URB1: variants seen among roughly 807,000 people sequenced by gnomAD.
The protein encoded by URB1 is URB1 ribosome biogenesis factor.
A neutral mutation model predicts 242.3 loss-of-function variants in URB1; 197 were observed. The ratio of observed to expected loss-of-function variants is 0.81; its 90% CI spans 0.72 to 0.91. URB1 has a LOEUF of 0.91. Ranked by LOEUF, URB1 falls within the 40% of genes least tolerant of loss-of-function variation. The probability of loss-of-function intolerance (pLI) is 0.00; values close to 1 mark genes in which losing one functional copy is unlikely to be tolerated. For missense variants in URB1, 2,721 were observed against 2,860.5 expected, an observed-to-expected ratio of 0.95 and a Z score of 1.11; for synonymous variants, 1,153 against 1,201.8, an observed-to-expected ratio of 0.96 and a Z score of 0.84.
chr21:32,315,094 C>T lies in URB1; in HGVS notation c.6640G>A (p.Ala2214Thr), dbSNP rs939109950. ...ATGTAGAGAGACACTAGGAATGCTG[C>T]GGAGGCTGAACAAGAGCAGGGGATA... ...SEKDEATQAS[A>T]AFLVSLYIKD... Residue 2214 changes from alanine (A) to threonine (T), a missense_variant, in exon 39 of 39, where the codon GCA (alanine) becomes ACA (threonine). Transcript: ENST00000382751. The T allele has an allele frequency of 3.9e-6, 6 of 1,523,342 alleles. No homozygotes were observed. The highest frequency in any genetic ancestry group is 4.1e-5 in the Admixed American group (2 of 49,042). 94.4% of individuals were successfully genotyped at this position (1,523,342 alleles called of 1,614,324 possible).
At chr21:32,376,125 A>C (rs2123616013) in intron 5 of URB1, among the ~76,000 whole-genome samples, 1 of 152,360 alleles carries the variant, frequency 6.6e-6, no homozygotes, top group East Asian at 1.9e-4. Context: ...AAGAGAATGT[A>C]CGGTATAACA....
chr21:32,311,551 A>G lies in URB1; in HGVS notation c.*3367T>C. On this transcript the variant is annotated 3_prime_UTR_variant, in exon 39 of 39. Transcript: ENST00000382751. ...CTTTGTGAGCTGGCTGACCCTTCTC[A>G]GGAATTTGCCTGTGTGGCCTTCCCT... is the stretch of plus-strand genomic sequence containing the variant. 1 of 1,328,098 alleles carries G rather than the reference A, an allele frequency of 7.5e-7. No homozygotes were observed. The highest frequency in any genetic ancestry group is 1.5e-5 in the African/African-American group (1 of 68,238). 82.3% of individuals were successfully genotyped at this position (1,328,098 alleles called of 1,614,324 possible).
At chr21:32,367,565 A>T (rs1325713158) in intron 9 of URB1, among the ~76,000 whole-genome samples, 1 of 150,796 alleles carries the variant, frequency 6.6e-6, no homozygotes, top group African/African-American at 2.5e-5. Context: ...GAGTTCAAAC[A>T]AGTCAGGCAT....
intron 26 of URB1, among the ~76,000 whole-genome samples, chr21:32,337,775 G>A (rs1386705843): frequency 1.3e-5 from 2 of 149,896 alleles, no homozygotes; most frequent in African/African-American, 2.5e-5. Flanking sequence ...AATCCTCCTT[G>A]GCATCCCAAA....
Position 32,353,766 on chromosome 21 carries a change from C to G in URB1, c.2416+167G>C, listed in dbSNP as rs576408107. Among the ~76,000 whole-genome samples the G allele has an allele frequency of 2.7e-4, 41 of 152,360 alleles. 1 individual carries two copies. The highest frequency in any genetic ancestry group is 1.4e-3 in the Admixed American group (21 of 15,304). On this transcript the variant is annotated intron_variant, in intron 18 of 38. Coordinates refer to ENST00000382751, the MANE Select transcript of URB1 (RefSeq NM_014825.3). ...CTAGCCAGCCCCAAGATCCCTCCCA[C>G]TGTGCTCCTAGCTCTGCTGGCTGGG...
At position 32,324,558 on chromosome 21, in the gene URB1, C is replaced by G. The variant is rs2032805769; in HGVS notation, c.5166G>C (p.Gln1722His). ...LDVVRNGIRT[Q>H]DMRLTFTLAL... ...CCAAGGTAAAAGTAAGTCTCATGTC[C>G]TGAGTTCGAATCCCATTCCGGACTA... The change falls in exon 32 of 39, where the codon CAG (glutamine) becomes CAC (histidine). Residue 1722 changes from glutamine (Q) to histidine (H), a missense_variant. Coordinates refer to ENST00000382751, the MANE Select transcript of URB1 (RefSeq NM_014825.3). 1 of 1,551,680 alleles carries G rather than the reference C, an allele frequency of 6.4e-7. No homozygotes were observed. The highest frequency in any genetic ancestry group is 8.7e-7 in the Non-Finnish European group (1 of 1,147,032).
At position 32,312,103 on chromosome 21, in the gene URB1, C is replaced by A. The variant is rs1202540171; in HGVS notation, c.*2815G>T. ...GGCCATTTGCATGTAGCAGAAAGGGCACCTAGGTCAAGTGCAACTAGAGCA... is the reference window on the plus strand; with the variant it reads ...GGCCATTTGCATGTAGCAGAAAGGGAACCTAGGTCAAGTGCAACTAGAGCA... On this transcript the variant is annotated 3_prime_UTR_variant, in exon 39 of 39. Coordinates refer to ENST00000382751, the MANE Select transcript of URB1 (RefSeq NM_014825.3). 1.9e-6 allele frequency: 3 copies of A among 1,577,984 alleles called. No individual in the cohort carries two copies. The highest frequency in any genetic ancestry group is 2.6e-6 in the Non-Finnish European group (3 of 1,168,818).
intron 30 of URB1, 148 bp from the exon 31 acceptor site, chr21:32,325,537 C>T (rs2032820087): frequency 9.1e-7 from 1 of 1,102,472 alleles, no homozygotes; most frequent in Non-Finnish European, 1.2e-6. Context: ...CTCCTCCTAA[C>T]TTCTGCTGAA....
chr21:32,337,517 G>C lies in URB1; in HGVS notation c.4511-3C>G. Reference sequence around the variant, plus strand: ...CAGCATCAGGTCCACCAGCGCTTCTGCAAGAAAACAACCCTGAAACACATG... The same window carrying C: ...CAGCATCAGGTCCACCAGCGCTTCTCCAAGAAAACAACCCTGAAACACATG... On this transcript the variant is annotated splice_polypyrimidine_tract_variant and splice_region_variant and intron_variant, in intron 26 of 38. Coordinates refer to ENST00000382751, the MANE Select transcript of URB1 (RefSeq NM_014825.3). 1.3e-6 allele frequency: 2 copies of C among 1,551,366 alleles called. No individual in the cohort carries two copies. Among genetic ancestry groups the C allele is most frequent in the East Asian group, 2.4e-5 (1 of 40,902 alleles).
At chr21:32,373,088 T>C (rs964764055) in intron 7 of URB1, among the ~76,000 whole-genome samples, 3 of 152,220 alleles carry the variant, frequency 2.0e-5, no homozygotes, top group Non-Finnish European at 4.4e-5. Context: ...CAAGTCCATG[T>C]TCAGTAACAC....
intron 10 of URB1, among the ~76,000 whole-genome samples, chr21:32,364,048 CA>C (rs534256961): frequency 2.0e-5 from 3 of 148,336 alleles, no homozygotes; most frequent in Admixed American, 6.7e-5. Flanking sequence ...GAGGAATGGC[CA>C]AAAAAAAATG....
chr21:32,341,005 A>T (rs1601133017), intron 25 of URB1, among the ~76,000 whole-genome samples: 1 of 124,842 alleles, frequency 8.0e-6, no homozygotes, highest in South Asian at 2.5e-4. Flanking sequence ...ATGATACATT[A>T]AAAAAAAAAG....
Position 32,347,713 on chromosome 21 carries a change from G to T in URB1, c.3111C>A (p.Ser1037Arg), listed in dbSNP as rs1466108326. Residue 1037 changes from serine (S) to arginine (R), a missense_variant, in exon 22 of 39, where the codon AGC (serine) becomes AGA (arginine). Physicochemically the swap from Ser to Arg is moderately radical, Grantham distance 110 (BLOSUM62 -1). Transcript: ENST00000382751. ...TGGCCAGGAGCTTCACGAGGACAGG[G>T]CTGAGCGTGTGCGGCGGGAGGGCCT... is the stretch of plus-strand genomic sequence containing the variant. Reference protein sequence around the residue: ...EQQALPPHTLSPVLVKLLATH... With the variant: ...EQQALPPHTLRPVLVKLLATH... 1 of 1,551,040 alleles carries T rather than the reference G, an allele frequency of 6.4e-7. No homozygotes were observed. Among genetic ancestry groups the T allele is most frequent in the Non-Finnish European group, 8.7e-7 (1 of 1,147,010 alleles).
At position 32,320,174 on chromosome 21, in the gene URB1, C is replaced by T. The variant is rs555632692; in HGVS notation, c.5594+357G>A. 3.3e-5 allele frequency among the ~76,000 whole-genome samples: 5 copies of T among 152,346 alleles called. No homozygotes were observed. The South Asian group carries it at 1.0e-3, about 32-fold the overall frequency. Reference sequence around the variant, plus strand: ...CTGCAGCTGCTAAAGCCTTAGAGAACAGGACATTCACTTCAGAGCACAGAA... The same window carrying T: ...CTGCAGCTGCTAAAGCCTTAGAGAATAGGACATTCACTTCAGAGCACAGAA... On this transcript the variant is annotated intron_variant, in intron 35 of 38. Transcript: ENST00000382751.
chr21:32,334,013 T>A (rs960020810), intron 29 of URB1, 150 bp downstream of exon 29: 6 of 1,001,616 alleles, frequency 6.0e-6, no homozygotes, highest in Non-Finnish European at 8.5e-6. Flanking sequence ...GCGGTGGGCT[T>A]ATGAGGGTCT....
At chr21:32,391,987 G>A (rs1210926459) in intron 1 of URB1, among the ~76,000 whole-genome samples, 1 of 151,920 alleles carries the variant, frequency 6.6e-6, no homozygotes, top group Non-Finnish European at 1.5e-5. Flanking sequence ...TAGTGCCACT[G>A]CACTTCAGCC....
At chr21:32,367,407 C>T (rs1328878833) in intron 9 of URB1, among the ~76,000 whole-genome samples, 1 of 152,168 alleles carries the variant, frequency 6.6e-6, no homozygotes, top group African/African-American at 2.4e-5. Context: ...GTACATCCTC[C>T]TCATCCCAAG....
intron 34 of URB1, among the ~76,000 whole-genome samples, chr21:32,321,381 C>T (rs1450029083): frequency 1.3e-5 from 2 of 152,196 alleles, no homozygotes; most frequent in South Asian, 4.1e-4. Flanking sequence ...CAACCCCCAA[C>T]TTCTGTAGTA....
intron 30 of URB1, among the ~76,000 whole-genome samples, chr21:32,330,779 G>A (rs1364324855): frequency 6.6e-6 from 1 of 152,204 alleles, no homozygotes; most frequent in African/African-American, 2.4e-5. Context: ...ATCGCCATCA[G>A]GGCAATTAAG....
Sources: allele counts gnomAD v4.1 joint callset (sites outside exome capture counted in the v4.1 genomes callset), GRCh38; gene constraint gnomAD v4.1.1; transcripts MANE v1.5; gene names NCBI Gene and HGNC (gene_info 2026-07-23, HGNC 2026-07-21).